The following KAZN variants were observed in gnomAD, a reference collection of about 807,000 sequenced individuals.
KAZN encodes the protein kazrin, periplakin interacting protein.
Under a neutral mutation model 87.4 loss-of-function variants are expected in KAZN, and 40 were observed. That is an observed-to-expected ratio of 0.46 (90% CI 0.36 to 0.60). The LOEUF (loss-of-function observed/expected upper bound fraction) is 0.60. KAZN is among the 20% of genes least tolerant of loss of function. The pLI, the probability that KAZN is intolerant of heterozygous loss-of-function variation, is 0.00. For synonymous variants in KAZN, 466 were observed against 458.3 expected (o/e 1.02, Z -0.22); for missense variants, 898 against 1,073.9 (o/e 0.84, Z 2.29).
At chr1:14,353,650 G>T (rs1345675870) in intron 2 of KAZN, among the ~76,000 whole-genome samples, 2 of 152,104 alleles carry the variant, frequency 1.3e-5, no homozygotes, top group Admixed American at 1.3e-4. Context: ...CTTTTAGCAA[G>T]AAACAATTGG....
At chr1:14,299,417 T>C (rs917108877) in intron 2 of KAZN, among the ~76,000 whole-genome samples, 5 of 151,840 alleles carry the variant, frequency 3.3e-5, no homozygotes, top group Admixed American at 2.6e-4. Context: ...GCAGGAGAAT[T>C]GTTTGAACCC....
At chr1:14,608,880 A>G (rs1263501673) in intron 1 of KAZN, among the ~76,000 whole-genome samples, 1 of 152,154 alleles carries the variant, frequency 6.6e-6, no homozygotes, top group Non-Finnish European at 1.5e-5. Flanking sequence ...AACATGGCGT[A>G]TTTGCTTTAA....
chr1:14,188,851 A>C (rs565444868), intron 2 of KAZN, among the ~76,000 whole-genome samples: 1 of 152,210 alleles, frequency 6.6e-6, no homozygotes, highest in African/African-American at 2.4e-5. Flanking sequence ...CTTTTTTCTT[A>C]TCCGTTATTT....
intron 1 of KAZN, among the ~76,000 whole-genome samples, chr1:14,863,208 A>G (rs939832214): frequency 1.3e-5 from 2 of 152,190 alleles, no homozygotes; most frequent in African/African-American, 4.8e-5. Context: ...TTTGCCATCA[A>G]TGTGGGATCT....
At chr1:14,077,889 G>T (rs895185907) in intron 1 of KAZN, among the ~76,000 whole-genome samples, 55 of 152,188 alleles carry the variant, frequency 3.6e-4, no homozygotes, top group African/African-American at 1.2e-3. Flanking sequence ...CTCCAAGCCA[G>T]GGAATGCCAA....
chr1:14,413,638 T>C (rs1306205074), intron 2 of KAZN, among the ~76,000 whole-genome samples: 1 of 109,444 alleles, frequency 9.1e-6, no homozygotes, highest in Non-Finnish European at 1.9e-5. Context: ...AGAGAAAATA[T>C]AGGAAGACTA....
intron 2 of KAZN, among the ~76,000 whole-genome samples, chr1:14,234,379 G>T (rs1648180748): frequency 7.3e-6 from 1 of 137,548 alleles, no homozygotes; most frequent in Admixed American, 7.7e-5. Context: ...ACAGGGAGGG[G>T]AACATCACAC....
intron 2 of KAZN, among the ~76,000 whole-genome samples, chr1:14,535,032 GC>G (rs1672407512): frequency 6.6e-6 from 1 of 151,786 alleles, no homozygotes; most frequent in Non-Finnish European, 1.5e-5. Flanking sequence ...TCTGATTCCA[GC>G]CCCTTTCTCC....
intron 1 of KAZN, among the ~76,000 whole-genome samples, chr1:14,785,744 C>T (rs1645492866): frequency 6.6e-6 from 1 of 152,164 alleles, no homozygotes; most frequent in Non-Finnish European, 1.5e-5. Flanking sequence ...AAATAATATA[C>T]TTCCACCTCT....
intron 1 of KAZN, among the ~76,000 whole-genome samples, chr1:14,622,638 C>T (rs984823293): frequency 4.2e-5 from 6 of 144,414 alleles, no homozygotes; most frequent in African/African-American, 8.0e-5. Flanking sequence ...TTGCAGGGAG[C>T]GGAGATCGAC....
chr1:14,743,383 T>C (rs926587537), intron 1 of KAZN, among the ~76,000 whole-genome samples: 1 of 150,258 alleles, frequency 6.7e-6, no homozygotes, highest in African/African-American at 2.5e-5. Context: ...TGAGCTGAGA[T>C]CGCGCCACTG....
intron 1 of KAZN, among the ~76,000 whole-genome samples, chr1:14,710,850 T>G (rs1307369201): frequency 6.6e-6 from 1 of 152,176 alleles, no homozygotes; most frequent in Non-Finnish European, 1.5e-5. Flanking sequence ...TTCCCAGGAC[T>G]GGGAACAGTG....
intron 1 of KAZN, among the ~76,000 whole-genome samples, chr1:14,767,689 T>C (rs1644920572): frequency 6.6e-6 from 1 of 152,210 alleles, no homozygotes. Context: ...GAATCTGCTG[T>C]GGATGAGTGT....
intron 1 of KAZN, among the ~76,000 whole-genome samples, chr1:14,017,855 C>G (rs1337351615): frequency 1.3e-5 from 2 of 152,136 alleles, no homozygotes; most frequent in African/African-American, 4.8e-5. Context: ...TTGGCCCAGC[C>G]CCCTCACCAA....
intron 2 of KAZN, among the ~76,000 whole-genome samples, chr1:14,984,734 C>A (rs1666599260): frequency 6.6e-6 from 1 of 152,122 alleles, no homozygotes; most frequent in Non-Finnish European, 1.5e-5. Flanking sequence ...TTTGTCCTTC[C>A]AGAAAGCAAG....
rs139933741 is a variant in KAZN, at chr1:14,365,574, G to C, written c.249+184982G>C. The stretch of plus-strand genomic sequence containing the variant: ...CATAACTGCAAAGTTTTGCAACCTC[G>C]GCACTACTGAAATTTGTGGCAGGTA... On this transcript the variant is annotated intron_variant, in intron 2 of 16. Coordinates refer to the KAZN transcript ENST00000636203. Among the ~76,000 whole-genome samples the C allele has an allele frequency of 2.0e-3, 308 of 152,198 alleles. 1 individual carries two copies. The highest frequency in any genetic ancestry group is 4.3e-3 in the Admixed American group (66 of 15,294).
chr1:15,054,996 C>G (rs899782447), intron 4 of KAZN, among the ~76,000 whole-genome samples: 1 of 151,978 alleles, frequency 6.6e-6, no homozygotes, highest in African/African-American at 2.4e-5. Flanking sequence ...GATCGTGCAC[C>G]TGCCCATCTC....
intron 2 of KAZN, among the ~76,000 whole-genome samples, chr1:14,564,610 C>T (rs559566786): frequency 2.0e-4 from 31 of 151,364 alleles, no homozygotes; most frequent in South Asian, 4.2e-4. Context: ...TCAAGACCAG[C>T]CTGGCCAAGA....
At chr1:14,638,879 C>A (rs914340062) in intron 1 of KAZN, among the ~76,000 whole-genome samples, 5 of 152,196 alleles carry the variant, frequency 3.3e-5, no homozygotes. Context: ...CATTTCCACC[C>A]AGCTAATCCT....
Sources: allele counts gnomAD v4.1 joint callset (sites outside exome capture counted in the v4.1 genomes callset), GRCh38; gene constraint gnomAD v4.1.1; transcripts MANE v1.5; gene names NCBI Gene and HGNC (gene_info 2026-07-23, HGNC 2026-07-21).